SMYD3: variants seen among roughly 807,000 people sequenced by gnomAD.
SMYD3 encodes the protein SET and MYND domain containing 3.
In SMYD3, 36 loss-of-function variants were observed where a neutral mutation model predicts 57.7. That is an observed-to-expected ratio of 0.62 (90% CI 0.48 to 0.82). SMYD3 has a LOEUF of 0.82. SMYD3 is among the 40% of genes least tolerant of loss of function. The probability of loss-of-function intolerance (pLI) is 0.00; values close to 1 mark genes in which losing one functional copy is unlikely to be tolerated. For missense variants in SMYD3, 515 were observed against 538.8 expected (o/e 0.96, Z 0.44); for synonymous variants, 211 against 195.0 (o/e 1.08, Z -0.68).
At chr1:246,123,195 A>C (rs1357212265) in intron 5 of SMYD3, among the ~76,000 whole-genome samples, 1 of 152,218 alleles carries the variant, frequency 6.6e-6, no homozygotes, top group Non-Finnish European at 1.5e-5. Flanking sequence ...TGTTCAAAGC[A>C]ATCCAAAATT....
chr1:245,906,089 A>G (rs2054543655), intron 8 of SMYD3, among the ~76,000 whole-genome samples: 2 of 152,242 alleles, frequency 1.3e-5, no homozygotes, highest in Non-Finnish European at 2.9e-5. Flanking sequence ...CTGGGCAAAG[A>G]TATTTTGAGC....
chr1:245,974,256 AC>A (rs1199555162), intron 5 of SMYD3, among the ~76,000 whole-genome samples: 1 of 152,076 alleles, frequency 6.6e-6, no homozygotes, highest in Admixed American at 6.5e-5. Context: ...CTGCCCCCAA[AC>A]CTACTCCTTA....
chr1:245,872,052 G>A (rs2052223096), intron 8 of SMYD3, among the ~76,000 whole-genome samples: 1 of 152,122 alleles, frequency 6.6e-6, no homozygotes, highest in South Asian at 2.1e-4. Context: ...ACACCAAACA[G>A]CCTCTGACAT....
At chr1:246,451,107 C>T (rs1033916758) in intron 1 of SMYD3, among the ~76,000 whole-genome samples, 1 of 152,226 alleles carries the variant, frequency 6.6e-6, no homozygotes, top group African/African-American at 2.4e-5. Flanking sequence ...AGGACAGACA[C>T]AGCTCTTGTC....
chr1:246,116,506 T>C (rs1352876921), intron 5 of SMYD3, among the ~76,000 whole-genome samples: 1 of 152,238 alleles, frequency 6.6e-6, no homozygotes, highest in African/African-American at 2.4e-5. Context: ...TTCTTTTAAC[T>C]TGTAAGTCAG....
intron 10 of SMYD3, among the ~76,000 whole-genome samples, chr1:245,856,227 C>T (rs568308771): frequency 2.4e-4 from 37 of 152,306 alleles, no homozygotes; most frequent in African/African-American, 8.4e-4. Context: ...TCTAACCTGC[C>T]CATTTCTCTC....
intron 5 of SMYD3, among the ~76,000 whole-genome samples, chr1:246,318,778 C>A (rs1396261806): frequency 6.6e-6 from 1 of 152,158 alleles, no homozygotes; most frequent in Non-Finnish European, 1.5e-5. Context: ...AAAGCATTAG[C>A]CTTACATAAG....
At chr1:246,466,534 G>A (rs919657530) in intron 1 of SMYD3, among the ~76,000 whole-genome samples, 8 of 152,184 alleles carry the variant, frequency 5.3e-5, no homozygotes, top group Non-Finnish European at 1.2e-4. Flanking sequence ...TGAGGGTGGA[G>A]GTTGGAAGGA....
intron 10 of SMYD3, among the ~76,000 whole-genome samples, chr1:245,813,875 T>G (rs2048634569): frequency 9.0e-4 from 1 of 1,110 alleles, no homozygotes; most frequent in African/African-American, 1.1e-3. Flanking sequence ...TATATATATA[T>G]ATATATATAT....
At chr1:246,077,367 T>C (rs1401701366) in intron 5 of SMYD3, among the ~76,000 whole-genome samples, 4 of 152,190 alleles carry the variant, frequency 2.6e-5, no homozygotes, top group Admixed American at 1.3e-4. Flanking sequence ...TCAGGCAGAC[T>C]GCAGTTGAGT....
chr1:246,487,414 T>C (rs6689785), intron 1 of SMYD3, among the ~76,000 whole-genome samples: 12,134 of 151,768 alleles, frequency 0.08, 1,586 homozygotes, highest in African/African-American at 0.27. Context: ...GAGCCGAGAT[T>C]GCACCACTGC....
At chr1:245,932,167 T>C (rs997241074) in intron 5 of SMYD3, among the ~76,000 whole-genome samples, 1 of 152,206 alleles carries the variant, frequency 6.6e-6, no homozygotes, top group Admixed American at 6.5e-5. Context: ...AAAAACCAGG[T>C]CAAACACATC....
intron 1 of SMYD3, among the ~76,000 whole-genome samples, chr1:246,421,127 A>C (rs2067137169): frequency 6.6e-6 from 1 of 152,240 alleles, no homozygotes; most frequent in Admixed American, 6.5e-5. Context: ...ATTACTAATT[A>C]CATTTAGCAT....
chr1:246,027,760 C>A lies in SMYD3; in HGVS notation c.532-97823G>T, dbSNP rs368560134. ...TACTAACACAAAATCTAGTCTTCAG[C>A]CCATGGATCAAGGAGTAATTCAACT... On this transcript the variant is annotated intron_variant, in intron 5 of 11. Coordinates refer to ENST00000490107, the MANE Select transcript of SMYD3 (RefSeq NM_001167740.2). Among the ~76,000 whole-genome samples the A allele has an allele frequency of 8.5e-5, 13 of 152,290 alleles. No homozygotes were observed. The East Asian group carries it at 1.2e-3, about 14-fold the overall frequency.
chr1:246,181,878 T>C lies in SMYD3; in HGVS notation c.531+145323A>G, dbSNP rs543569037. Among the ~76,000 whole-genome samples, 8 of 152,356 alleles carry C rather than the reference T, an allele frequency of 5.3e-5. No homozygotes were observed. The South Asian group carries it at 1.0e-3, about 20-fold the overall frequency. On this transcript the variant is annotated intron_variant, in intron 5 of 11. Coordinates refer to ENST00000490107, the MANE Select transcript of SMYD3 (RefSeq NM_001167740.2). ...TGAAAAATGAATTCTAACACTAGCA[T>C]ACTAAATTCCCAAATAAATTGTTTA...
intron 5 of SMYD3, among the ~76,000 whole-genome samples, chr1:246,275,636 G>A (rs538500953): frequency 2.8e-5 from 4 of 144,052 alleles, no homozygotes; most frequent in Non-Finnish European, 3.0e-5. Context: ...ATTAACACTG[G>A]CAAGTTATTT....
At chr1:246,193,430 T>C (rs1416323213) in intron 5 of SMYD3, among the ~76,000 whole-genome samples, 4 of 152,220 alleles carry the variant, frequency 2.6e-5, no homozygotes, top group Non-Finnish European at 4.4e-5. Context: ...AGAATATGTT[T>C]ATTTGTATGA....
At chr1:245,770,504 T>C (rs532107479) in intron 10 of SMYD3, among the ~76,000 whole-genome samples, 2 of 152,354 alleles carry the variant, frequency 1.3e-5, no homozygotes, top group Non-Finnish European at 2.9e-5. Context: ...GTACGAACTC[T>C]TTCTATCCTG....
intron 5 of SMYD3, among the ~76,000 whole-genome samples, chr1:246,121,745 T>C (rs916317152): frequency 5.3e-5 from 8 of 152,160 alleles, no homozygotes; most frequent in Non-Finnish European, 1.2e-4. Flanking sequence ...GAAGAACATA[T>C]GCTGGAAACT....
Sources: gnomAD v4.1 joint callset for allele counts (sites outside exome capture counted in the v4.1 genomes callset) on GRCh38, gnomAD v4.1.1 for gene constraint, MANE v1.5 for transcripts, NCBI Gene and HGNC (gene_info 2026-07-23, HGNC 2026-07-21) for gene names.